KLHL2: variants seen among roughly 807,000 people sequenced by gnomAD.
KLHL2 encodes kelch like family member 2.
Under a neutral mutation model 75.8 loss-of-function variants are expected in KLHL2, and 15 were observed. The observed-to-expected ratio is 0.20, with a 90% CI of 0.13 to 0.30. KLHL2 has a LOEUF of 0.30. KLHL2 is among the 10% of genes least tolerant of loss of function. The probability of loss-of-function intolerance (pLI) is 1.00; values close to 1 mark genes in which losing one functional copy is unlikely to be tolerated. For missense variants in KLHL2, 381 were observed against 741.0 expected (o/e 0.51, Z 5.64); for synonymous variants, 214 against 251.9 (o/e 0.85, Z 1.42).
chr4:165,271,291 G>A (rs1396880868), intron 5 of KLHL2, among the ~76,000 whole-genome samples: 1 of 152,126 alleles, frequency 6.6e-6, no homozygotes, highest in Non-Finnish European at 1.5e-5. Flanking sequence ...AACATGGGAT[G>A]TATTTCCATT....
At chr4:165,251,855 C>T (rs1000705704) in intron 4 of KLHL2, among the ~76,000 whole-genome samples, 2 of 151,888 alleles carry the variant, frequency 1.3e-5, no homozygotes, top group East Asian at 1.9e-4. Flanking sequence ...GTGATCCGCC[C>T]GCCTCGGCCT....
intron 4 of KLHL2, chr4:165,252,492 G>A (rs1389798563): frequency 1.3e-5 from 2 of 152,020 alleles, no homozygotes; most frequent in African/African-American, 2.4e-5. Flanking sequence ...TCATTGTTAG[G>A]TTAGTAAAAT....
In KLHL2 at chr4:165,319,725, G is replaced by A. The variant is rs769511869; in HGVS notation, c.1753+1756G>A. On this transcript the variant is annotated intron_variant, in intron 14 of 14. Transcript: ENST00000226725. The surrounding 1 kb of genome is among the most constrained non-coding windows in gnomAD (Gnocchi z 4.5). Reference sequence around the variant, plus strand: ...CAACCTCCGCCTCCCAGATTCAAACGATTCTCATGCCTCAGCTTCCTGAGT... The same window carrying A: ...CAACCTCCGCCTCCCAGATTCAAACAATTCTCATGCCTCAGCTTCCTGAGT... 2.6e-5 allele frequency among the ~76,000 whole-genome samples: 4 copies of A among 152,096 alleles called. No individual in the cohort carries two copies. The highest frequency in any genetic ancestry group is 4.8e-5 in the African/African-American group (2 of 41,422).
intron 7 of KLHL2, among the ~76,000 whole-genome samples, chr4:165,298,733 C>T (rs1422951748): frequency 2.0e-5 from 3 of 151,976 alleles, no homozygotes; most frequent in Non-Finnish European, 2.9e-5. Flanking sequence ...GCCAGGAGTT[C>T]GAGACCAGCC....
chr4:165,289,800 T>C (rs1428903115), intron 5 of KLHL2, among the ~76,000 whole-genome samples: 1 of 152,226 alleles, frequency 6.6e-6, no homozygotes, highest in Non-Finnish European at 1.5e-5. Context: ...GAGACTAAGA[T>C]AACATGTAGT....
At chr4:165,275,473 G>A (rs571781316) in intron 5 of KLHL2, among the ~76,000 whole-genome samples, 54 of 152,274 alleles carry the variant, frequency 3.5e-4, no homozygotes, top group African/African-American at 1.2e-3. Context: ...TGATAGCCAA[G>A]CACATTTAAG....
intron 1 of KLHL2, among the ~76,000 whole-genome samples, chr4:165,216,721 C>G (rs775975495): frequency 6.6e-6 from 1 of 152,104 alleles, no homozygotes; most frequent in Non-Finnish European, 1.5e-5. Context: ...CCATCTAACA[C>G]AAAGCCACAC....
chr4:165,243,087 G>T (rs1202499843), intron 4 of KLHL2, among the ~76,000 whole-genome samples: 1 of 151,182 alleles, frequency 6.6e-6, no homozygotes, highest in Non-Finnish European at 1.5e-5. Context: ...ATTCAAAAAT[G>T]TAAATGTCTT....
intron 5 of KLHL2, among the ~76,000 whole-genome samples, chr4:165,272,315 A>G (rs1579089475): frequency 6.6e-6 from 1 of 152,314 alleles, no homozygotes; most frequent in East Asian, 1.9e-4. Context: ...GAAGCATTTT[A>G]TGAAAAACCA....
Position 165,319,554 on chromosome 4 carries a change from T to C in KLHL2, c.1753+1585T>C, listed in dbSNP as rs1432684505. On this transcript the variant is annotated intron_variant, in intron 14 of 14. Coordinates refer to ENST00000226725, the MANE Select transcript of KLHL2 (RefSeq NM_007246.4). The surrounding 1 kb of genome is among the most constrained non-coding windows in gnomAD (Gnocchi z 4.5). ...CGTCCCTGCAGCCATCCCAGCAGTT[T>C]TGAAAACTTCACACTTTTTGTGAAA... 6.6e-6 allele frequency among the ~76,000 whole-genome samples: 1 copy of C among 152,204 alleles called. No homozygotes were observed. Among genetic ancestry groups the C allele is most frequent in the Admixed American group, 6.5e-5 (1 of 15,290 alleles).
At chr4:165,249,852 C>G (rs558004364) in intron 4 of KLHL2, among the ~76,000 whole-genome samples, 42 of 152,280 alleles carry the variant, frequency 2.8e-4, no homozygotes, top group African/African-American at 1.0e-3. Flanking sequence ...TGGCCGGGTA[C>G]GGTGGCTCAC....
chr4:165,275,011 G>T (rs573860007), intron 5 of KLHL2, among the ~76,000 whole-genome samples: 9 of 152,374 alleles, frequency 5.9e-5, no homozygotes, highest in Non-Finnish European at 1.5e-5. Context: ...TGACAGCTCA[G>T]TGTGACCAGA....
intron 5 of KLHL2, chr4:165,278,095 T>C (rs778062120): frequency 9.6e-6 from 15 of 1,563,178 alleles, no homozygotes; most frequent in African/African-American, 2.7e-5. Context: ...CTTCTGGAGA[T>C]TGAGTTGTAA....
chr4:165,210,834 A>G (rs1159536250), intron 1 of KLHL2, among the ~76,000 whole-genome samples: 1 of 152,206 alleles, frequency 6.6e-6, no homozygotes, highest in Non-Finnish European at 1.5e-5. Context: ...GAAGACTGTG[A>G]GGTATAGGCC....
chr4:165,281,309 C>CTCTT lies in KLHL2; in HGVS notation c.545-13049_545-13048insCTTT, dbSNP rs554085206. On this transcript the variant is annotated intron_variant, in intron 5 of 14. Transcript: ENST00000226725. ...CTAACCTGATGCTCTCTCTCTCTCT[C>CTCTT]TTTTTTTTTTTTTCATTTTTTATTG... Among the ~76,000 whole-genome samples the CTCTT allele has an allele frequency of 6.4e-5, 9 of 139,626 alleles. No homozygotes were observed. In the East Asian group the frequency reaches 1.5e-3, roughly 23 times the overall value. The allele number at this position is 139,626 out of a possible 152,430, so 91.6% of individuals were successfully genotyped here.
chr4:165,306,498 G>T (rs1745737427), intron 9 of KLHL2, among the ~76,000 whole-genome samples: 1 of 152,054 alleles, frequency 6.6e-6, no homozygotes, highest in African/African-American at 2.4e-5. Context: ...ATATATTTTG[G>T]CAGGATAAAC....
At chr4:165,210,032 G>A in intron 1 of KLHL2, 1 of 1,545,720 alleles carries the variant, frequency 6.5e-7, no homozygotes, top group Middle Eastern at 1.7e-4. Context: ...GCCAGAGCTG[G>A]GCTAGAACAG....
At chr4:165,294,708 C>T (rs1211835441) in intron 6 of KLHL2, among the ~76,000 whole-genome samples, 1 of 152,140 alleles carries the variant, frequency 6.6e-6, no homozygotes, top group Non-Finnish European at 1.5e-5. Flanking sequence ...GGGAGGTTCC[C>T]TAAATTTTTA....
intron 5 of KLHL2, among the ~76,000 whole-genome samples, chr4:165,268,700 T>C (rs1022530053): frequency 1.2e-4 from 19 of 152,188 alleles, no homozygotes; most frequent in African/African-American, 4.1e-4. Flanking sequence ...ATTTCTGTTC[T>C]TCTACATTTG....
Sources: allele counts gnomAD v4.1 joint callset (sites outside exome capture counted in the v4.1 genomes callset), GRCh38; gene constraint gnomAD v4.1.1; non-coding constraint Gnocchi (gnomAD v3.1); transcripts MANE v1.5; gene names NCBI Gene and HGNC (gene_info 2026-07-23, HGNC 2026-07-21).